Variants in FBXL2 observed in about 807,000 individuals in gnomAD.
FBXL2 encodes the protein F-box and leucine rich repeat protein 2, also known as F-box/LRR-repeat protein 2.
A neutral mutation model predicts 69.2 loss-of-function variants in FBXL2; 38 were observed. The observed-to-expected ratio is 0.55, with a 90% CI of 0.42 to 0.72. The LOEUF is 0.72. Among genes scored for constraint, FBXL2 ranks in the 30% least tolerant of loss-of-function variants. FBXL2 has a pLI of 0.00. For synonymous variants in FBXL2, 192 were observed against 201.3 expected, an observed-to-expected ratio of 0.95 and a Z score of 0.39; for missense variants, 354 against 520.3, an observed-to-expected ratio of 0.68 and a Z score of 3.11.
intron 12 of FBXL2, chr3:33,396,232 G>T: frequency 6.3e-7 from 1 of 1,593,186 alleles, no homozygotes; most frequent in Non-Finnish European, 8.6e-7. Context: ...GCACTGTGCT[G>T]CTTGGCTGCT....
intron 2 of FBXL2, among the ~76,000 whole-genome samples, chr3:33,298,852 A>C (rs1165988863): frequency 6.6e-6 from 1 of 151,970 alleles, no homozygotes; most frequent in Non-Finnish European, 1.5e-5. Context: ...CAACAGCAAC[A>C]GAAACCAGAT....
At chr3:33,342,307 T>C (rs2040092098) in intron 2 of FBXL2, among the ~76,000 whole-genome samples, 1 of 151,528 alleles carries the variant, frequency 6.6e-6, no homozygotes, top group South Asian at 2.1e-4. Flanking sequence ...GCCCGGCCTA[T>C]GCAGTTTTCT....
intron 12 of FBXL2, among the ~76,000 whole-genome samples, chr3:33,402,134 C>A (rs1248795219): frequency 2.6e-5 from 4 of 152,152 alleles, no homozygotes; most frequent in African/African-American, 7.2e-5. Flanking sequence ...AAATAGGGAA[C>A]TTCTGATGCT....
rs1011468067 is a variant in FBXL2, at chr3:33,378,142, A to G, written c.889A>G (p.Ile297Val). ...GGAGAAGATGGATCTTGAAGAATGCATCCTGGTGAGTGGACTCCTGACAGC... is the reference window on the plus strand; with the variant it reads ...GGAGAAGATGGATCTTGAAGAATGCGTCCTGGTGAGTGGACTCCTGACAGC... ...ELEKMDLEECILITDSTLIQL... is the reference protein window; with the variant it reads ...ELEKMDLEECVLITDSTLIQL... Residue 297 changes from isoleucine (I) to valine (V), a missense_variant, in exon 12 of 15, where the codon ATC (isoleucine) becomes GTC (valine). Coordinates refer to ENST00000484457, the MANE Select transcript of FBXL2 (RefSeq NM_012157.5). 2.5e-6 allele frequency: 4 copies of G among 1,614,170 alleles called. No homozygotes were observed. Among genetic ancestry groups the G allele is most frequent in the South Asian group, 2.2e-5 (2 of 91,088 alleles).
At chr3:33,411,735 T>G in the FBXL2 span, 1 of 1,459,958 alleles carries the variant, frequency 6.8e-7, no homozygotes, top group Non-Finnish European at 9.6e-7. Flanking sequence ...TTAAATAACT[T>G]AAAAAACTTA....
chr3:33,347,144 A>G lies in FBXL2; in HGVS notation c.66-11823A>G, dbSNP rs113344092. Among the ~76,000 whole-genome samples the G allele has an allele frequency of 5.7e-4, 87 of 152,160 alleles. 1 individual carries two copies. Among genetic ancestry groups the G allele is most frequent in the African/African-American group, 2.0e-3 (82 of 41,498 alleles). ...CCCTCACCCTTCCCAGCCTCTAGTAACCATTCTTCTACTCTCTACCCCCAT... is the reference window on the plus strand; with the variant it reads ...CCCTCACCCTTCCCAGCCTCTAGTAGCCATTCTTCTACTCTCTACCCCCAT... On this transcript the variant is annotated intron_variant, in intron 2 of 14. Coordinates refer to ENST00000484457, the MANE Select transcript of FBXL2 (RefSeq NM_012157.5).
In FBXL2 at chr3:33,295,228, A is replaced by T. The variant is rs993918588; in HGVS notation, c.4-2436A>T. ...AATTCAAGAATTTTTTCATACCTTC[A>T]AAAGAAACCTCATATACACTCACAG... On this transcript the variant is annotated intron_variant, in intron 1 of 14. Transcript: ENST00000484457. 5.3e-5 allele frequency among the ~76,000 whole-genome samples: 8 copies of T among 152,188 alleles called. No homozygotes were observed. The East Asian group carries it at 1.3e-3, about 26-fold the overall frequency.
chr3:33,370,417 C>CAAA (rs35020611), intron 5 of FBXL2, among the ~76,000 whole-genome samples: 1 of 129,144 alleles, frequency 7.7e-6, no homozygotes, highest in Non-Finnish European at 1.6e-5. Flanking sequence ...GACTCCGTCT[C>CAAA]AAAAAAAAAA....
At chr3:33,415,164 G>T in the FBXL2 span, among the ~76,000 whole-genome samples, 1,269 of 152,248 alleles carry the variant, frequency 8.3e-3, 20 homozygotes, top group African/African-American at 0.028. Context: ...TAAACATTAG[G>T]TATCACCTAT....
At chr3:33,363,465 C>T (rs2041765215) in intron 4 of FBXL2, among the ~76,000 whole-genome samples, 1 of 152,200 alleles carries the variant, frequency 6.6e-6, no homozygotes, top group Non-Finnish European at 1.5e-5. Context: ...ACTTTTCCTC[C>T]CTTGTGGAGG....
At chr3:33,412,575 C>T in the FBXL2 span, 3 of 582,538 alleles carry the variant, frequency 5.1e-6, no homozygotes, top group Non-Finnish European at 6.0e-6. Context: ...GAGCAAGGCT[C>T]TGTCTCAAAA....
intron 12 of FBXL2, among the ~76,000 whole-genome samples, chr3:33,400,583 C>A (rs181512424): frequency 6.6e-6 from 1 of 152,156 alleles, no homozygotes; most frequent in East Asian, 1.9e-4. Context: ...CACAGAAAGA[C>A]TTATATTCTC....
chr3:33,394,191 T>TTTA (rs148929407), intron 12 of FBXL2, among the ~76,000 whole-genome samples: 4,905 of 143,370 alleles, frequency 0.034, 104 homozygotes, highest in African/African-American at 0.062. Context: ...CTGGCTAATT[T>TTTA]TTATTATTAT....
chr3:33,378,039 C>T, intron 11 of FBXL2, 64 bp from the exon 12 acceptor site: 4 of 1,507,550 alleles, frequency 2.7e-6, no homozygotes, highest in Non-Finnish European at 2.8e-6. Context: ...AGGGATAGGG[C>T]AAGCCACCAT....
intron 2 of FBXL2, among the ~76,000 whole-genome samples, chr3:33,328,194 A>G (rs2038857205): frequency 6.6e-6 from 1 of 152,204 alleles, no homozygotes; most frequent in African/African-American, 2.4e-5. Context: ...GATGAAAGAA[A>G]TTGAAGTGGA....
chr3:33,396,328 T>G, intron 12 of FBXL2: 3 of 1,375,664 alleles, frequency 2.2e-6, no homozygotes, highest in Non-Finnish European at 3.0e-6. Flanking sequence ...AAAGCTGCCT[T>G]ACACATGTAC....
chr3:33,315,187 CCTTT>C (rs919891815), intron 2 of FBXL2, among the ~76,000 whole-genome samples: 7 of 151,652 alleles, frequency 4.6e-5, no homozygotes, highest in African/African-American at 1.5e-4. Flanking sequence ...TTCATTCTTT[CCTTT>C]CTTTTCTTTT....
At chr3:33,388,342 A>C (rs2043598953), downstream of FBXL2, 2 of 152,620 alleles carry the variant, frequency 1.3e-5, no homozygotes, top group Non-Finnish European at 2.9e-5. Flanking sequence ...CACATTTGCA[A>C]AACAATCAGA....
rs903959504 is a variant in FBXL2 at position 33,386,286 on chromosome 3, G to C, written c.*678G>C. 1.3e-5 allele frequency: 2 copies of C among 153,138 alleles called. No individual in the cohort carries two copies. The highest frequency in any genetic ancestry group is 2.9e-5 in the Non-Finnish European group (2 of 68,496). 9.5% of individuals were successfully genotyped at this position (153,138 alleles called of 1,614,324 possible). A position where few individuals can be genotyped will look rare whatever the true frequency, so the allele number is the denominator to read the frequency against. On this transcript the variant is annotated 3_prime_UTR_variant, in exon 15 of 15. Coordinates refer to ENST00000484457, the MANE Select transcript of FBXL2 (RefSeq NM_012157.5). ...GGACCAAAAACAAAAGCAGCTCGGA[G>C]TCTGTGTTGCCTGATTGGAAAGTAG...
Sources: gnomAD v4.1 joint callset for allele counts (sites outside exome capture counted in the v4.1 genomes callset) on GRCh38, gnomAD v4.1.1 for gene constraint, MANE v1.5 for transcripts, NCBI Gene and HGNC (gene_info 2026-07-23, HGNC 2026-07-21) for gene names.